The following ZNF81 variants were observed in gnomAD, a reference collection of about 807,000 sequenced individuals.
ZNF81 encodes zinc finger protein 81.
Under a neutral mutation model 32.3 loss-of-function variants are expected in ZNF81, and 5 were observed. The observed-to-expected ratio is 0.15, with a 90% CI of 0.08 to 0.33. The LOEUF is 0.33. Ranked by LOEUF, ZNF81 falls within the 10% of genes least tolerant of loss-of-function variation. The probability of loss-of-function intolerance (pLI) is 1.00; values close to 1 mark genes in which losing one functional copy is unlikely to be tolerated. For synonymous variants in ZNF81, 163 were observed against 166.8 expected, an observed-to-expected ratio of 0.98 and a Z score of 0.17; for missense variants, 379 against 479.8, an observed-to-expected ratio of 0.79 and a Z score of 1.96.
At chrX:47,849,672 CAA>C (rs1174293911) in intron 2 of ZNF81, among the ~76,000 whole-genome samples, 7 of 62,447 alleles carry the variant, frequency 1.1e-4, no homozygotes, top group African/African-American at 6.2e-5. Context: ...GACTCCGTCT[CAA>C]AAAAAAAAAA....
intron 2 of ZNF81, among the ~76,000 whole-genome samples, chrX:47,864,364 C>T (rs952824245): frequency 4.5e-5 from 5 of 111,888 alleles, no homozygotes; most frequent in African/African-American, 1.6e-4. Flanking sequence ...AAAATAGCCA[C>T]AATTATGAGG....
chrX:47,919,404 A>G lies in ZNF81; in HGVS notation c.*2772A>G. Reference sequence around the variant, plus strand: ...CAGTTATGTTTTATTTTTATTTGTAATATTTCCATTTGATTCTTACAATTT... The same window carrying G: ...CAGTTATGTTTTATTTTTATTTGTAGTATTTCCATTTGATTCTTACAATTT... On this transcript the variant is annotated 3_prime_UTR_variant, in exon 5 of 5. Coordinates refer to ENST00000338637, the MANE Select transcript of ZNF81 (RefSeq NM_007137.5). 5.1e-6 allele frequency: 1 copy of G among 197,435 alleles called. No homozygotes were observed. The highest frequency in any genetic ancestry group is 9.6e-6 in the Non-Finnish European group (1 of 103,680). 16.3% of individuals were successfully genotyped at this position (197,435 alleles called of 1,213,427 possible). A position where few individuals can be genotyped will look rare whatever the true frequency, so the allele number is the denominator to read the frequency against.
chrX:47,895,415 G>T (rs1242441876), intron 3 of ZNF81, among the ~76,000 whole-genome samples: 2 of 111,650 alleles, frequency 1.8e-5, no homozygotes, highest in Non-Finnish European at 3.8e-5. Context: ...TGTCACTGGG[G>T]TGATGTATTC....
intron 2 of ZNF81, among the ~76,000 whole-genome samples, chrX:47,875,074 T>G (rs2058594637): frequency 9.3e-6 from 1 of 107,794 alleles, no homozygotes; most frequent in East Asian, 2.9e-4. Flanking sequence ...CAGGAATCAA[T>G]TTGAGGCCAC....
chrX:47,900,663 T>C (rs1390393711), intron 4 of ZNF81, among the ~76,000 whole-genome samples: 3 of 111,540 alleles, frequency 2.7e-5, no homozygotes, highest in African/African-American at 3.3e-5. Context: ...TATTCTGTTA[T>C]ATTGTTCTGA....
intron 4 of ZNF81, among the ~76,000 whole-genome samples, chrX:47,911,361 T>C (rs1293190429): frequency 9.2e-6 from 1 of 108,661 alleles, no homozygotes; most frequent in African/African-American, 3.6e-5. Context: ...CAGGCTTTCA[T>C]CTATTCCATG....
intron 4 of ZNF81, among the ~76,000 whole-genome samples, chrX:47,908,734 G>A (rs2058729184): frequency 1.8e-5 from 2 of 111,939 alleles, no homozygotes; most frequent in African/African-American, 6.5e-5. Context: ...AAGAACTTGG[G>A]CGAACCTCAA....
chrX:47,853,245 C>T (rs1427512965), intron 2 of ZNF81, among the ~76,000 whole-genome samples: 1 of 106,471 alleles, frequency 9.4e-6, no homozygotes, highest in Non-Finnish European at 1.9e-5. Context: ...GGTGCGATCT[C>T]GGCTCACTGC....
intron 2 of ZNF81, among the ~76,000 whole-genome samples, chrX:47,856,206 A>G (rs1233572661): frequency 9.0e-6 from 1 of 111,480 alleles, no homozygotes; most frequent in African/African-American, 3.3e-5. Flanking sequence ...AATATATATG[A>G]ATGTATATCA....
intron 2 of ZNF81, among the ~76,000 whole-genome samples, chrX:47,861,254 A>G (rs2058539288): frequency 9.0e-6 from 1 of 111,649 alleles, no homozygotes; most frequent in Admixed American, 9.5e-5. Flanking sequence ...GTATTAAAGT[A>G]TGGAACACCT....
chrX:47,875,585 G>A (rs1220036517), intron 2 of ZNF81, among the ~76,000 whole-genome samples: 3 of 112,129 alleles, frequency 2.7e-5, no homozygotes, highest in African/African-American at 9.7e-5. Flanking sequence ...GCTAGTATTT[G>A]AAAATAGCAC....
chrX:47,837,620 A>G (rs1450707834), intron 1 of ZNF81, among the ~76,000 whole-genome samples: 1 of 111,950 alleles, frequency 8.9e-6, no homozygotes, highest in Non-Finnish European at 1.9e-5. Flanking sequence ...TGAAAAGACT[A>G]TCTTTCCTCC....
chrX:47,908,074 C>T (rs937190789), intron 4 of ZNF81, among the ~76,000 whole-genome samples: 7 of 111,185 alleles, frequency 6.3e-5, no homozygotes, highest in African/African-American at 2.3e-4. Context: ...TAAAGAATTA[C>T]TCTTCTTTGA....
intron 4 of ZNF81, among the ~76,000 whole-genome samples, chrX:47,911,484 AAAGT>A (rs1203614420): frequency 9.2e-6 from 1 of 108,990 alleles, no homozygotes; most frequent in Non-Finnish European, 1.9e-5. Flanking sequence ...AAAGTCTCTG[AAAGT>A]AAGAGCTCGT....
Position 47,919,003 on chromosome X carries a change from T to C in ZNF81, c.*2371T>C, listed in dbSNP as rs1456310300. 7.5e-6 allele frequency: 2 copies of C among 267,520 alleles called. No homozygotes were observed. The highest frequency in any genetic ancestry group is 9.5e-5 in the Admixed American group (2 of 21,068). The allele number at this position is 267,520 out of a possible 1,213,427, so 22.0% of individuals were successfully genotyped here. A position where few individuals can be genotyped will look rare whatever the true frequency, so the allele number is the denominator to read the frequency against. On this transcript the variant is annotated 3_prime_UTR_variant, in exon 5 of 5. Transcript: ENST00000338637. Reference sequence around the variant, plus strand: ...ACTTGTCATTTAGCTCACAGGTATCTGGATCAAGAAACTGAAAAACTGTAC... The same window carrying C: ...ACTTGTCATTTAGCTCACAGGTATCCGGATCAAGAAACTGAAAAACTGTAC...
rs1275042491 is a variant in ZNF81 at position 47,922,172 on chromosome X, C to G, written c.*5540C>G. On this transcript the variant is annotated 3_prime_UTR_variant, in exon 5 of 5. Coordinates refer to ENST00000338637, the MANE Select transcript of ZNF81 (RefSeq NM_007137.5). Reference sequence around the variant, plus strand: ...GCATTTCTTCCTCCACTATTCTTCTCTAACAGATGACCAATACTAATAAAC... The same window carrying G: ...GCATTTCTTCCTCCACTATTCTTCTGTAACAGATGACCAATACTAATAAAC... The G allele has an allele frequency of 8.9e-6, 1 of 112,231 alleles. No individual in the cohort carries two copies. The highest frequency in any genetic ancestry group is 3.2e-5 in the African/African-American group (1 of 30,866). The allele number at this position is 112,231 out of a possible 1,213,427, so 9.2% of individuals were successfully genotyped here.
Position 47,846,432 on chromosome X carries a change from T to G in ZNF81, c.54+111T>G, listed in dbSNP as rs1328379271. 3 of 888,268 alleles carry G rather than the reference T, an allele frequency of 3.4e-6. No homozygotes were observed. The East Asian group carries it at 1.0e-4, about 30-fold the overall frequency. The allele number at this position is 888,268 out of a possible 1,213,427, so 73.2% of individuals were successfully genotyped here. A position where few individuals can be genotyped will look rare whatever the true frequency, so the allele number is the denominator to read the frequency against. ...TACTTTTTTTAGCAGGCAGGAAAATTTCCCCCCACCCTCATTTTTATTGGT... is the reference window on the plus strand; with the variant it reads ...TACTTTTTTTAGCAGGCAGGAAAATGTCCCCCCACCCTCATTTTTATTGGT... On this transcript the variant is annotated intron_variant, in intron 2 of 4. Transcript: ENST00000338637.
At chrX:47,909,331 A>G (rs1407379450) in intron 4 of ZNF81, among the ~76,000 whole-genome samples, 3 of 111,456 alleles carry the variant, frequency 2.7e-5, no homozygotes, top group East Asian at 5.6e-4. Context: ...TCTGCTGTCC[A>G]TTTAGGTTTC....
chrX:47,850,839 G>A (rs1226750508), intron 2 of ZNF81, among the ~76,000 whole-genome samples: 1 of 107,331 alleles, frequency 9.3e-6, no homozygotes, highest in Non-Finnish European at 1.9e-5. Flanking sequence ...TCCCAAGGCA[G>A]CTACAGATAG....
Sources: allele counts gnomAD v4.1 joint callset (sites outside exome capture counted in the v4.1 genomes callset), GRCh38; gene constraint gnomAD v4.1.1; transcripts MANE v1.5; gene names NCBI Gene and HGNC (gene_info 2026-07-23, HGNC 2026-07-21).